The following NOTCH4 variants were observed in gnomAD, a reference collection of about 807,000 sequenced individuals.
The protein encoded by NOTCH4 is neurogenic locus notch homolog protein 4.
In NOTCH4, 138 loss-of-function variants were observed where a neutral mutation model predicts 189.0. The observed-to-expected ratio is 0.73, with a 90% CI of 0.64 to 0.84. NOTCH4 has a LOEUF of 0.84. Among genes scored for constraint, NOTCH4 ranks in the 40% least tolerant of loss-of-function variants. The probability of loss-of-function intolerance (pLI) is 0.00; values close to 1 mark genes in which losing one functional copy is unlikely to be tolerated. For synonymous variants in NOTCH4, 942 were observed against 1,032.8 expected (o/e 0.91, Z 1.69); for missense variants, 2,286 against 2,605.4 (o/e 0.88, Z 2.67).
rs759495049 is a variant in NOTCH4 at position 32,199,111 on chromosome 6, C to T, written c.4350G>A (p.Leu1450=). ...PPANQLPWPV[L]CSPVAGVILL... is the part of the protein sequence containing the mutation. ...GAATCACCCCGGCCACTGGGGAGCA[C>T]AGCACAGGCCAGGGAAGCTGGTTGG... Residue 1450 remains leucine, a synonymous_variant, in exon 24 of 30, where the codon CTG becomes CTA. Transcript: ENST00000375023. The surrounding 1 kb of genome is among the most constrained non-coding windows in gnomAD (Gnocchi z 4.9). 5 of 1,609,362 alleles carry T rather than the reference C, an allele frequency of 3.1e-6. No homozygotes were observed. Among genetic ancestry groups the T allele is most frequent in the African/African-American group, 2.7e-5 (2 of 74,784 alleles).
chr6:32,215,332 T>C lies in NOTCH4; in HGVS notation c.1915A>G (p.Ile639Val), dbSNP rs749879737. 1 of 1,610,540 alleles carries C rather than the reference T, an allele frequency of 6.2e-7. No homozygotes were observed. Among genetic ancestry groups the C allele is most frequent in the African/African-American group, 1.3e-5 (1 of 74,892 alleles). Residue 639 changes from isoleucine to valine, a missense_variant, in exon 12 of 30, where the codon ATA becomes GTA. Physicochemically the swap from Ile to Val is conservative, Grantham distance 29. Coordinates refer to ENST00000375023, the MANE Select transcript of NOTCH4 (RefSeq NM_004557.4). ...GCCTTGTCTTTCTGGTCCTTACATA[T>C]CTGCTTGGGCTGGCACAGGTTGGGA... is the stretch of plus-strand genomic sequence containing the variant. Reference protein sequence around the residue: ...CAPNLCQPKQICKDQKDKANC... With the variant: ...CAPNLCQPKQVCKDQKDKANC...
rs1333712828 is a variant in NOTCH4, at chr6:32,213,248, C to G, written c.2325G>C (p.Pro775=). 1 of 1,610,918 alleles carries G rather than the reference C, an allele frequency of 6.2e-7. No homozygotes were observed. Among genetic ancestry groups the G allele is most frequent in the Non-Finnish European group, 8.5e-7 (1 of 1,177,432 alleles). Residue 775 remains proline (P), a synonymous_variant, in exon 15 of 30, where the codon CCG becomes CCC. Coordinates refer to ENST00000375023, the MANE Select transcript of NOTCH4 (RefSeq NM_004557.4). ...TCACACAGGTACCCCCATTGAAGCA[C>G]GGGGCTGGAGAGAGGAGGCTGTGAG... ...QTSTDYCVSA[P]CFNGGTCVNR...
Position 32,201,724 on chromosome 6 carries a change from G to C in NOTCH4, c.3756-224C>G. ...CTGTCCCCTCTCTGTACCCTCCCAA[G>C]CTCTCCTCTGTTTCTAAAGGAGAGT... On this transcript the variant is annotated intron_variant, in intron 21 of 29. Coordinates refer to ENST00000375023, the MANE Select transcript of NOTCH4 (RefSeq NM_004557.4). This position sits in a 1 kb window ranked among gnomAD's most constrained non-coding sequence, Gnocchi z 5.5. The C allele has an allele frequency of 2.4e-6, 1 of 425,074 alleles. No individual in the cohort carries two copies. Among genetic ancestry groups the C allele is most frequent in the Non-Finnish European group, 4.1e-6 (1 of 246,092 alleles). The allele number at this position is 425,074 out of a possible 1,614,324, so 26.3% of individuals were successfully genotyped here.
chr6:32,208,343 A>G (rs985927349), intron 18 of NOTCH4, among the ~76,000 whole-genome samples: 2 of 152,248 alleles, frequency 1.3e-5, no homozygotes, highest in Non-Finnish European at 2.9e-5. Context: ...AAAAGAAGAC[A>G]TACAAATGGC....
In NOTCH4 at chr6:32,217,011, G is replaced by T; in HGVS notation, c.1795C>A (p.Pro599Thr). The T allele has an allele frequency of 1.2e-6, 2 of 1,613,104 alleles. No homozygotes were observed. The highest frequency in any genetic ancestry group is 1.7e-6 in the Non-Finnish European group (2 of 1,180,022). The change falls in exon 11 of 30, where the codon CCC becomes ACC. Residue 599 changes from proline (P) to threonine (T), a missense_variant. By Grantham distance (38) the Pro-to-Thr change is conservative. Around this residue, in one of 2 missense-constraint regions of NOTCH4, gnomAD observed 1,903 missense variants for 2,261.9 expected, o/e 0.84. Transcript: ENST00000375023. The surrounding 1 kb of genome is among the most constrained non-coding windows in gnomAD (Gnocchi z 4.2). ...EVDECLSDPC[P>T]VGASCLDLPG... is the part of the protein sequence containing the mutation. ...AGATCAAGGCAGCTGGCTCCAACGGGACATGGGTCACTCAGGCACTCATCC... is the reference window on the plus strand; with the variant it reads ...AGATCAAGGCAGCTGGCTCCAACGGTACATGGGTCACTCAGGCACTCATCC...
chr6:32,210,614 G>T lies in NOTCH4; in HGVS notation c.2865+138C>A. ...TCAGGAGATAAAGTGGCATGACTTT[G>T]TGGTTAGTTGGGTGTGTGGGGTTAA... On this transcript the variant is annotated intron_variant, in intron 18 of 29. Transcript: ENST00000375023. The surrounding 1 kb of genome is among the most constrained non-coding windows in gnomAD (Gnocchi z 4.8). The T allele has an allele frequency of 2.6e-6, 2 of 778,436 alleles. No individual in the cohort carries two copies. The highest frequency in any genetic ancestry group is 4.2e-6 in the Non-Finnish European group (2 of 475,726). 48.2% of individuals were successfully genotyped at this position (778,436 alleles called of 1,614,324 possible). A position where few individuals can be genotyped will look rare whatever the true frequency, so the allele number is the denominator to read the frequency against.
At position 32,220,258 on chromosome 6, in the gene NOTCH4, A is replaced by C. The variant is rs1471761920; in HGVS notation, c.1186T>G (p.Cys396Gly). 6.2e-7 allele frequency: 1 copy of C among 1,613,486 alleles called. No individual in the cohort carries two copies. Among genetic ancestry groups the C allele is most frequent in the Non-Finnish European group, 8.5e-7 (1 of 1,179,736 alleles). Residue 396 changes from cysteine to glycine, a missense_variant, in exon 7 of 30, where the codon TGT (cysteine) becomes GGT (glycine). Cys to Gly is a radical substitution (Grantham distance 159). Around this residue, in one of 2 missense-constraint regions of NOTCH4, gnomAD observed 1,903 missense variants for 2,261.9 expected, o/e 0.84. Transcript: ENST00000375023. ...TGLLCHLEDM[C>G]LSQPCHGDAQ... is the part of the protein sequence containing the mutation. ...TCCCCATGGCACGGCTGGCTCAGAC[A>C]CATGTCTTCCAAGTGGCACAGGAGT...
chr6:32,218,786 G>A lies in NOTCH4; in HGVS notation c.1511-678C>T, dbSNP rs190946715. Among the ~76,000 whole-genome samples the A allele has an allele frequency of 2.9e-3, 438 of 152,152 alleles. 8 individuals carry two copies. Among genetic ancestry groups the A allele is most frequent in the South Asian group, 0.025 (121 of 4,814 alleles). On this transcript the variant is annotated intron_variant, in intron 8 of 29. Transcript: ENST00000375023. ...ACCTGAGCCAGTATCTTTGGGTGCCGCTCAGTTTAGAAAGTCAATATGGGG... is the reference window on the plus strand; with the variant it reads ...ACCTGAGCCAGTATCTTTGGGTGCCACTCAGTTTAGAAAGTCAATATGGGG...
Position 32,203,840 on chromosome 6 carries a change from G to A in NOTCH4, c.3161C>T (p.Pro1054Leu), listed in dbSNP as rs927075649. The change falls in exon 20 of 30, where the codon CCC becomes CTC. Residue 1054 changes from proline (P) to leucine (L), a missense_variant. By Grantham distance (98) the Pro-to-Leu change is moderately conservative. This residue lies in a region of NOTCH4 where 1,903 missense variants were observed against 2,261.9 expected (regional missense o/e 0.84). Transcript: ENST00000375023. ...CTCACAGGTCCCTCCATGAAAGCAG[G>A]GTTGGCTGTGGCAGGGGTCTATCTC... is the stretch of plus-strand genomic sequence containing the variant. ...EVEIDPCHSQPCFHGGTCEAT... is the reference protein window; with the variant it reads ...EVEIDPCHSQLCFHGGTCEAT... 2.1e-5 allele frequency: 33 copies of A among 1,562,116 alleles called. No individual in the cohort carries two copies. The Middle Eastern group carries it at 8.3e-4, about 39-fold the overall frequency.
intron 2 of NOTCH4, 27 bp downstream of exon 2, chr6:32,222,978 T>TC (rs1332976978): frequency 1.3e-6 from 2 of 1,599,272 alleles, no homozygotes; most frequent in Admixed American, 1.7e-5. Flanking sequence ...TTCTCTCCAG[T>TC]CTCCCACTCC....
Position 32,219,770 on chromosome 6 carries a change from A to G in NOTCH4, c.1332T>C (p.Ser444=), listed in dbSNP as rs1272250246. The G allele has an allele frequency of 6.2e-7, 1 of 1,612,484 alleles. No homozygotes were observed. The highest frequency in any genetic ancestry group is 1.3e-5 in the African/African-American group (1 of 74,814). The change falls in exon 8 of 30, where the codon AGT becomes AGC. Residue 444 remains serine, a synonymous_variant. Transcript: ENST00000375023. ...DECLMAQQGP[S]PCEHGGSCLN... ...GGCAGGAACCGCCATGTTCACAGGG[A>G]CTTGGGCCTTGCTGGGCTGGGAGGA...
chr6:32,210,255 A>C lies in NOTCH4; in HGVS notation c.2865+497T>G, dbSNP rs1788933046. On this transcript the variant is annotated intron_variant, in intron 18 of 29. Transcript: ENST00000375023. This position sits in a 1 kb window ranked among gnomAD's most constrained non-coding sequence, Gnocchi z 4.8. ...GTATGGGGTACGTGGCAAAGTCAGC[A>C]GCAGTTTCATGTTGCTGGAGCAGAG... Among the ~76,000 whole-genome samples, 1 of 152,206 alleles carries C rather than the reference A, an allele frequency of 6.6e-6. No individual in the cohort carries two copies. The highest frequency in any genetic ancestry group is 1.5e-5 in the Non-Finnish European group (1 of 68,028).
Position 32,195,367 on chromosome 6 carries a change from C to G in NOTCH4, c.*70G>C, listed in dbSNP as rs1052311623. On this transcript the variant is annotated 3_prime_UTR_variant, in exon 30 of 30. Coordinates refer to ENST00000375023, the MANE Select transcript of NOTCH4 (RefSeq NM_004557.4). This position sits in a 1 kb window ranked among gnomAD's most constrained non-coding sequence, Gnocchi z 5.4. The stretch of plus-strand genomic sequence containing the variant: ...TCATTTTGGGGGATCCATCTTAAAA[C>G]CAGGAAGGCCTTCCAGCCTGCCTTT... 56 of 1,442,644 alleles carry G rather than the reference C, an allele frequency of 3.9e-5. No homozygotes were observed. The African/African-American group carries it at 5.4e-4, about 14-fold the overall frequency. 89.4% of individuals were successfully genotyped at this position (1,442,644 alleles called of 1,614,324 possible).
Position 32,210,948 on chromosome 6 carries a change from GACAA to G in NOTCH4, c.2681-16_2681-13del, listed in dbSNP as rs759907787. The G allele has an allele frequency of 1.3e-6, 2 of 1,566,282 alleles. No individual in the cohort carries two copies. Among genetic ancestry groups the G allele is most frequent in the Non-Finnish European group, 1.7e-6 (2 of 1,157,750 alleles). ...AGAGACGTCTATGCCTGGGGAGAGA[GACAA>G]ACAGGGATATACAAAGATAAGTGGG... is the stretch of plus-strand genomic sequence containing the variant. On this transcript the variant is annotated splice_polypyrimidine_tract_variant and intron_variant, in intron 17 of 29. Coordinates refer to ENST00000375023, the MANE Select transcript of NOTCH4 (RefSeq NM_004557.4). This position sits in a 1 kb window ranked among gnomAD's most constrained non-coding sequence, Gnocchi z 4.8.
chr6:32,210,776 G>A lies in NOTCH4; in HGVS notation c.2841C>T (p.Ala947=). Residue 947 remains alanine, a synonymous_variant, in exon 18 of 30, where the codon GCC becomes GCT. Coordinates refer to ENST00000375023, the MANE Select transcript of NOTCH4 (RefSeq NM_004557.4). The surrounding 1 kb of genome is among the most constrained non-coding windows in gnomAD (Gnocchi z 4.8). ...CCTGGCAGAGATACCCACTGGGCTG[G>A]GCCATGCAGGTGGCCCCGTTCTGGC... The part of the protein sequence containing the change: ...RPCQNGATCM[A]QPSGYLCQCA... 1 of 1,612,736 alleles carries A rather than the reference G, an allele frequency of 6.2e-7. No homozygotes were observed. Among genetic ancestry groups the A allele is most frequent in the South Asian group, 1.1e-5 (1 of 91,074 alleles).
At position 32,202,682 on chromosome 6, in the gene NOTCH4, G is replaced by A. The variant is rs559003803; in HGVS notation, c.3232-83C>T. ...ATCAAGCAAACTCTTGGGTTAAGACGGTGCAGAGGGTCCTAGATTCTCATA... is the reference window on the plus strand; with the variant it reads ...ATCAAGCAAACTCTTGGGTTAAGACAGTGCAGAGGGTCCTAGATTCTCATA... On this transcript the variant is annotated intron_variant, in intron 20 of 29. Coordinates refer to ENST00000375023, the MANE Select transcript of NOTCH4 (RefSeq NM_004557.4). The surrounding 1 kb of genome is among the most constrained non-coding windows in gnomAD (Gnocchi z 5.7). 8.4e-5 allele frequency: 108 copies of A among 1,292,680 alleles called. 1 individual carries two copies. The highest frequency in any genetic ancestry group is 2.3e-4 in the South Asian group (15 of 64,006). 80.1% of individuals were successfully genotyped at this position (1,292,680 alleles called of 1,614,324 possible). A position where few individuals can be genotyped will look rare whatever the true frequency, so the allele number is the denominator to read the frequency against.
chr6:32,220,701 C>G (rs2127488142), intron 5 of NOTCH4, 55 bp downstream of exon 5: 7 of 1,612,572 alleles, frequency 4.3e-6, no homozygotes, highest in Non-Finnish European at 5.9e-6. Context: ...GTAGGGGAGG[C>G]CAGGGGCCAA....
chr6:32,213,870 G>C (rs755359182), intron 13 of NOTCH4, 30 bp from the exon 14 acceptor site: 1 of 1,608,902 alleles, frequency 6.2e-7, no homozygotes. Context: ...GCTGAGAAAG[G>C]GTGTCCTCCT....
chr6:32,218,413 G>T (rs1235986338), intron 8 of NOTCH4, among the ~76,000 whole-genome samples: 1 of 152,198 alleles, frequency 6.6e-6, no homozygotes, highest in African/African-American at 2.4e-5. Context: ...AGGCTGATCA[G>T]CCTGGAGGAC....
Sources: allele counts gnomAD v4.1 joint callset (sites outside exome capture counted in the v4.1 genomes callset), GRCh38; gene constraint gnomAD v4.1.1; regional missense constraint gnomAD v4.1.1; non-coding constraint Gnocchi (gnomAD v3.1); transcripts MANE v1.5; gene names NCBI Gene and HGNC (gene_info 2026-07-23, HGNC 2026-07-21).